Variants in MON2 observed in about 807,000 individuals in gnomAD.
MON2 encodes the protein protein MON2 homolog.
Under a neutral mutation model 208.6 loss-of-function variants are expected in MON2, and 84 were observed. That is an observed-to-expected ratio of 0.40 (90% CI 0.34 to 0.48). The LOEUF (loss-of-function observed/expected upper bound fraction) is 0.48, where lower values mean the gene tolerates loss of function less well. MON2 is among the 20% of genes least tolerant of loss of function. MON2 has a pLI of 0.59. For missense variants in MON2, 1,611 were observed against 2,015.4 expected (o/e 0.80, Z 3.84); for synonymous variants, 660 against 694.0 (o/e 0.95, Z 0.77).
At chr12:62,537,005 A>T in intron 14 of MON2, 146 bp from the exon 15 acceptor site, 1 of 432,950 alleles carries the variant, frequency 2.3e-6, no homozygotes, top group Non-Finnish European at 4.0e-6. Context: ...TGAGTTTTTT[A>T]AATGTTTTGA....
At chr12:62,478,648 A>G (rs1479903029) in intron 1 of MON2, among the ~76,000 whole-genome samples, 3 of 152,226 alleles carry the variant, frequency 2.0e-5, no homozygotes, top group Admixed American at 1.3e-4. Context: ...TTATATATAC[A>G]TGTAAATTTG....
At chr12:62,511,174 C>T (rs758859652) in intron 8 of MON2, among the ~76,000 whole-genome samples, 1 of 152,038 alleles carries the variant, frequency 6.6e-6, no homozygotes, top group Non-Finnish European at 1.5e-5. Flanking sequence ...TTAAAATGTC[C>T]ATATAATCTA....
rs1361049712 is a variant in MON2, at chr12:62,547,011, A to G, written c.2692A>G (p.Ser898Gly). Residue 898 changes from serine (S) to glycine (G), a missense_variant, in exon 22 of 35, where the codon AGT becomes GGT. Coordinates refer to ENST00000393630, the MANE Select transcript of MON2 (RefSeq NM_015026.3). ...GCAGATTCTGCAGAGTCAGGGAGACAGTCTTGGGCCTGGATGGCCATTAGT... is the reference window on the plus strand; with the variant it reads ...GCAGATTCTGCAGAGTCAGGGAGACGGTCTTGGGCCTGGATGGCCATTAGT... ...VLQILQSQGD[S>G]LGPGWPLVLG... 6.2e-7 allele frequency: 1 copy of G among 1,612,550 alleles called. No homozygotes were observed. Among genetic ancestry groups the G allele is most frequent in the East Asian group, 2.2e-5 (1 of 44,762 alleles).
intron 20 of MON2, among the ~76,000 whole-genome samples, chr12:62,544,435 G>A (rs2073389762): frequency 1.3e-5 from 2 of 152,082 alleles, no homozygotes; most frequent in South Asian, 4.2e-4. Flanking sequence ...AACAAAGTGA[G>A]AGACTGTGTC....
intron 20 of MON2, 144 bp downstream of exon 20, chr12:62,543,342 T>G (rs2073325194): frequency 2.3e-6 from 1 of 426,504 alleles, no homozygotes; most frequent in African/African-American, 2.1e-5. Flanking sequence ...TTGTACATTT[T>G]ATCAAGGACT....
At position 62,495,108 on chromosome 12, in the gene MON2, A is replaced by G; in HGVS notation, c.396A>G (p.Leu132=). The G allele has an allele frequency of 6.2e-7, 1 of 1,613,174 alleles. No individual in the cohort carries two copies. The highest frequency in any genetic ancestry group is 8.5e-7 in the Non-Finnish European group (1 of 1,179,526). Residue 132 remains leucine (L), a synonymous_variant, in exon 4 of 35, where the codon TTA becomes TTG. Coordinates refer to ENST00000393630, the MANE Select transcript of MON2 (RefSeq NM_015026.3). The part of the protein sequence containing the change: ...LKLLQTVLVL[L]TTNTVVHDEA... ...TACTTCAAACAGTTCTTGTTCTTTT[A>G]ACAACCAATACAGTAGTTCATGATG...
chr12:62,518,194 C>G (rs902343530), intron 8 of MON2, among the ~76,000 whole-genome samples: 2 of 152,196 alleles, frequency 1.3e-5, no homozygotes, highest in African/African-American at 4.8e-5. Flanking sequence ...GGGTTTCAGC[C>G]TTATAACCTA....
intron 4 of MON2, among the ~76,000 whole-genome samples, chr12:62,496,926 G>C (rs2070525250): frequency 6.9e-6 from 1 of 145,952 alleles, no homozygotes; most frequent in Non-Finnish European, 1.5e-5. Flanking sequence ...AACAATGATA[G>C]ACTGGATTAA....
Position 62,556,056 on chromosome 12 carries a change from T to G in MON2, c.3273T>G (p.Ile1091Met). 6.2e-7 allele frequency: 1 copy of G among 1,613,926 alleles called. No homozygotes were observed. The highest frequency in any genetic ancestry group is 8.5e-7 in the Non-Finnish European group (1 of 1,179,960). The part of the protein sequence containing the change: ...ESSTTADKEK[I>M]ESGGGNILIH... ...CTACCACTGCAGACAAAGAAAAGAT[T>G]GAGTCTGGAGGTGGCAATATTCTCA... The change falls in exon 25 of 35, where the codon ATT (isoleucine) becomes ATG (methionine). Residue 1091 changes from isoleucine (I) to methionine (M), a missense_variant. Ile to Met is a conservative substitution (Grantham distance 10, BLOSUM62 1). Transcript: ENST00000393630.
At chr12:62,581,833 C>G (rs1041774422) in intron 32 of MON2, among the ~76,000 whole-genome samples, 1 of 151,720 alleles carries the variant, frequency 6.6e-6, no homozygotes, top group Non-Finnish European at 1.5e-5. Flanking sequence ...GTCTCAAAAA[C>G]AAAAAAGAAA....
chr12:62,527,364 T>C (rs2097064219), intron 11 of MON2, among the ~76,000 whole-genome samples: 1 of 152,198 alleles, frequency 6.6e-6, no homozygotes, highest in Non-Finnish European at 1.5e-5. Flanking sequence ...CCTTACAGCT[T>C]TATTTTGCAT....
chr12:62,570,726 T>C (rs111947716), intron 29 of MON2, among the ~76,000 whole-genome samples: 11 of 125,152 alleles, frequency 8.8e-5, no homozygotes, highest in African/African-American at 2.4e-4. Flanking sequence ...CTTTTTCTTT[T>C]TTTTTTTTTT....
chr12:62,498,575 C>G (rs938113217), intron 4 of MON2, among the ~76,000 whole-genome samples: 6 of 152,150 alleles, frequency 3.9e-5, no homozygotes, highest in Admixed American at 1.3e-4. Flanking sequence ...ATGTGCTTAG[C>G]AATCACATAG....
intron 29 of MON2, among the ~76,000 whole-genome samples, chr12:62,570,891 C>A (rs1314554913): frequency 2.7e-5 from 4 of 150,848 alleles, no homozygotes; most frequent in Non-Finnish European, 5.9e-5. Flanking sequence ...GCCACCACAC[C>A]CAGCTCATTT....
At position 62,549,820 on chromosome 12, in the gene MON2, T is replaced by C. The variant is rs2073665323; in HGVS notation, c.2906T>C (p.Ile969Thr). ...NQELNISLTSIGLLWNISDYF... is the reference protein window; with the variant it reads ...NQELNISLTSTGLLWNISDYF... ...GAACTCAATATTAGTTTAACTTCAA[T>C]AGGTTTATTGGTAAGTATCATTGTC... The change falls in exon 23 of 35, where the codon ATA (isoleucine) becomes ACA (threonine). Residue 969 changes from isoleucine (I) to threonine (T), a missense_variant. Physicochemically the swap from Ile to Thr is moderately conservative, Grantham distance 89 (BLOSUM62 -1). Transcript: ENST00000393630. 2 of 1,593,880 alleles carry C rather than the reference T, an allele frequency of 1.3e-6. No individual in the cohort carries two copies. The highest frequency in any genetic ancestry group is 8.6e-7 in the Non-Finnish European group (1 of 1,169,278).
chr12:62,540,008 CAG>C (rs1314057880), intron 19 of MON2, among the ~76,000 whole-genome samples: 1 of 152,060 alleles, frequency 6.6e-6, no homozygotes, highest in Admixed American at 6.6e-5. Flanking sequence ...TGTTCTAAAT[CAG>C]GGCAAGGATA....
chr12:62,478,172 T>C (rs769096945), intron 1 of MON2, among the ~76,000 whole-genome samples: 1 of 152,134 alleles, frequency 6.6e-6, no homozygotes. Flanking sequence ...GTTTTTCTGG[T>C]ACATTTAGAA....
At chr12:62,576,481 G>A (rs926943043) in intron 30 of MON2, among the ~76,000 whole-genome samples, 2 of 151,818 alleles carry the variant, frequency 1.3e-5, no homozygotes, top group African/African-American at 4.8e-5. Flanking sequence ...AGATTATATT[G>A]CAACAAAAAT....
At position 62,535,626 on chromosome 12, in the gene MON2, C is replaced by G. The variant is rs201233366; in HGVS notation, c.1817C>G (p.Thr606Ser). 2.5e-6 allele frequency: 4 copies of G among 1,613,582 alleles called. No individual in the cohort carries two copies. In the Middle Eastern group the frequency reaches 6.6e-4, roughly 266 times the overall value. ...GLVTSRDAFITAICKGSLPPH... is the reference protein window; with the variant it reads ...GLVTSRDAFISAICKGSLPPH... ...GTAACTTCAAGAGATGCCTTTATAA[C>G]TGCAATATGCAAAGGTTCCCTGCCT... is the stretch of plus-strand genomic sequence containing the variant. Residue 606 changes from threonine (T) to serine (S), a missense_variant, in exon 14 of 35, where the codon ACT becomes AGT. Transcript: ENST00000393630.
Sources: allele counts gnomAD v4.1 joint callset (sites outside exome capture counted in the v4.1 genomes callset), GRCh38; gene constraint gnomAD v4.1.1; transcripts MANE v1.5; gene names NCBI Gene and HGNC (gene_info 2026-07-23, HGNC 2026-07-21).